Variants in SLC9A7 observed in about 807,000 individuals in gnomAD.
The protein encoded by SLC9A7 is solute carrier family 9 member A7, also known as sodium/hydrogen exchanger 7.
Under a neutral mutation model 52.6 loss-of-function variants are expected in SLC9A7, and 19 were observed. The ratio of observed to expected loss-of-function variants is 0.36; its 90% CI spans 0.25 to 0.53. SLC9A7 has a LOEUF of 0.53. Ranked by LOEUF, SLC9A7 falls within the 20% of genes least tolerant of loss-of-function variation. SLC9A7 has a pLI of 0.91. For missense variants in SLC9A7, 455 were observed against 597.9 expected, an observed-to-expected ratio of 0.76 and a Z score of 2.49; for synonymous variants, 226 against 252.1, an observed-to-expected ratio of 0.90 and a Z score of 0.98.
At chrX:46,618,809 T>C (rs1333483951) in intron 15 of SLC9A7, among the ~76,000 whole-genome samples, 1 of 109,990 alleles carries the variant, frequency 9.1e-6, no homozygotes, top group Non-Finnish European at 1.9e-5. Context: ...CCAGGTGTAG[T>C]GGTGTGTGCC....
At chrX:46,738,995 A>C (rs1269462966) in intron 1 of SLC9A7, among the ~76,000 whole-genome samples, 1 of 111,507 alleles carries the variant, frequency 9.0e-6, no homozygotes, top group Non-Finnish European at 1.9e-5. Flanking sequence ...CATTACTTAC[A>C]CTATAAAAAG....
rs755290084 is a variant in SLC9A7, at chrX:46,654,491, T to G, written c.1042-777A>C. ...GGCTGTTCTTTTAAAAATTCAGAAT[T>G]CTAGAGAAACTGGCAACTAGTTTTC... On this transcript the variant is annotated intron_variant, in intron 7 of 16. Coordinates refer to ENST00000616978, the MANE Select transcript of SLC9A7 (RefSeq NM_001257291.2). 3.6e-5 allele frequency among the ~76,000 whole-genome samples: 4 copies of G among 111,409 alleles called. No individual in the cohort carries two copies. In the East Asian group the frequency reaches 8.4e-4, roughly 23 times the overall value.
At chrX:46,673,355 AACACAC>A (rs57016133) in intron 3 of SLC9A7, among the ~76,000 whole-genome samples, 18 of 102,630 alleles carry the variant, frequency 1.8e-4, no homozygotes, top group South Asian at 4.6e-4. Context: ...TAAAAATATA[AACACAC>A]ACACACACAC....
At chrX:46,621,680 C>T (rs921405027) in intron 14 of SLC9A7, among the ~76,000 whole-genome samples, 1 of 112,241 alleles carries the variant, frequency 8.9e-6, no homozygotes, top group African/African-American at 3.2e-5. Flanking sequence ...TTCCTTGCTA[C>T]TCTCATGCCC....
At chrX:46,711,899 T>TTCACACATACAC (rs778950018) in intron 1 of SLC9A7, among the ~76,000 whole-genome samples, 43 of 91,182 alleles carry the variant, frequency 4.7e-4, no homozygotes, top group Admixed American at 2.8e-3. Context: ...GCCTCTAAAT[T>TTCACACATACAC]ACACACACAC....
intron 1 of SLC9A7, among the ~76,000 whole-genome samples, chrX:46,753,346 C>T (rs1169681422): frequency 8.9e-6 from 1 of 111,780 alleles, no homozygotes; most frequent in Non-Finnish European, 1.9e-5. Flanking sequence ...TCCATAAAAG[C>T]ACATATATCA....
At chrX:46,633,406 T>C (rs1254056466) in intron 13 of SLC9A7, among the ~76,000 whole-genome samples, 1 of 29,120 alleles carries the variant, frequency 3.4e-5, no homozygotes, top group African/African-American at 1.2e-4. Context: ...GAGACACAAA[T>C]AATGTTTTGC....
At chrX:46,635,084 G>C (rs1424642936) in intron 13 of SLC9A7, among the ~76,000 whole-genome samples, 1 of 112,110 alleles carries the variant, frequency 8.9e-6, no homozygotes, top group Non-Finnish European at 1.9e-5. Context: ...ATATCTTCTG[G>C]TTCACCATGA....
chrX:46,647,025 C>T (rs1189623809), intron 11 of SLC9A7: 10 of 333,233 alleles, frequency 3.0e-5, no homozygotes, highest in Non-Finnish European at 5.8e-6. Context: ...TGCTTGGCAG[C>T]AGTTTCTGCT....
intron 5 of SLC9A7, among the ~76,000 whole-genome samples, chrX:46,665,381 G>C (rs1943899377): frequency 9.1e-6 from 1 of 109,922 alleles, no homozygotes; most frequent in African/African-American, 3.3e-5. Flanking sequence ...AGGGCACTTA[G>C]CACTTGTGAG....
chrX:46,663,727 G>C (rs1417639409), intron 5 of SLC9A7, among the ~76,000 whole-genome samples: 1 of 110,204 alleles, frequency 9.1e-6, no homozygotes, highest in Non-Finnish European at 1.9e-5. Flanking sequence ...TTGGGAGGCT[G>C]AGGCGGGTAG....
chrX:46,722,902 G>A (rs1237557979), intron 1 of SLC9A7, among the ~76,000 whole-genome samples: 2 of 112,119 alleles, frequency 1.8e-5, no homozygotes, highest in African/African-American at 6.5e-5. Flanking sequence ...AGAGTGGGAT[G>A]TGTCACACTT....
At chrX:46,711,459 G>A (rs1319057162) in intron 1 of SLC9A7, among the ~76,000 whole-genome samples, 1 of 111,628 alleles carries the variant, frequency 9.0e-6, no homozygotes, top group East Asian at 2.8e-4. Context: ...AGTGTAAAGA[G>A]AGGAAGTAGG....
chrX:46,736,531 T>C (rs1365996834), intron 1 of SLC9A7, among the ~76,000 whole-genome samples: 1 of 111,782 alleles, frequency 8.9e-6, no homozygotes. Flanking sequence ...GGTACTGAGG[T>C]AAATATTTTT....
intron 1 of SLC9A7, among the ~76,000 whole-genome samples, chrX:46,713,077 G>A (rs143482830): frequency 1.8e-5 from 2 of 112,627 alleles, no homozygotes; most frequent in African/African-American, 6.5e-5. Flanking sequence ...AATCTGATAA[G>A]AGGGAATAAC....
At chrX:46,612,252 C>A (rs1221261916) in intron 16 of SLC9A7, among the ~76,000 whole-genome samples, 1 of 111,989 alleles carries the variant, frequency 8.9e-6, no homozygotes, top group African/African-American at 3.2e-5. Flanking sequence ...TCTTCTAGGG[C>A]ATAATGACTG....
chrX:46,744,922 C>A lies in SLC9A7; in HGVS notation c.325+13783G>T, dbSNP rs902214652. On this transcript the variant is annotated intron_variant, in intron 1 of 16. Transcript: ENST00000616978. ...CAAAGGTTTACAGCAACCAAGTGAACAATGACTCAAGAACAAGACAACTTT... is the reference window on the plus strand; with the variant it reads ...CAAAGGTTTACAGCAACCAAGTGAAAAATGACTCAAGAACAAGACAACTTT... 3.6e-5 allele frequency among the ~76,000 whole-genome samples: 4 copies of A among 109,843 alleles called. No individual in the cohort carries two copies. The Admixed American group carries it at 3.9e-4, about 11-fold the overall frequency.
chrX:46,607,763 T>C (rs778192938), intron 16 of SLC9A7, among the ~76,000 whole-genome samples: 19 of 111,392 alleles, frequency 1.7e-4, no homozygotes, highest in African/African-American at 6.2e-4. Flanking sequence ...CATCCTCAGG[T>C]GGATGAATCA....
intron 1 of SLC9A7, among the ~76,000 whole-genome samples, chrX:46,696,846 C>T (rs1237788496): frequency 8.9e-6 from 1 of 111,984 alleles, no homozygotes; most frequent in African/African-American, 3.2e-5. Flanking sequence ...ATTCCTATTA[C>T]ATTGCTGAAG....
Sources: gnomAD v4.1 joint callset for allele counts (sites outside exome capture counted in the v4.1 genomes callset) on GRCh38, gnomAD v4.1.1 for gene constraint, MANE v1.5 for transcripts, NCBI Gene and HGNC (gene_info 2026-07-23, HGNC 2026-07-21) for gene names.